The following CCSER1 variants were observed in gnomAD, a reference collection of about 807,000 sequenced individuals.
CCSER1 encodes coiled-coil serine rich protein 1, also known as serine-rich coiled-coil domain-containing protein 1.
Under a neutral mutation model 82.0 loss-of-function variants are expected in CCSER1, and 41 were observed. The observed-to-expected ratio is 0.50, with a 90% CI of 0.39 to 0.65. The LOEUF is 0.65. Ranked by LOEUF, CCSER1 falls within the 30% of genes least tolerant of loss-of-function variation. CCSER1 has a pLI of 0.00. For synonymous variants in CCSER1, 414 were observed against 383.9 expected, an observed-to-expected ratio of 1.08 and a Z score of -0.92; for missense variants, 1,119 against 1,064.2, an observed-to-expected ratio of 1.05 and a Z score of -0.72.
rs1752810092 is a variant in CCSER1, at chr4:90,401,128, C to G, written c.1603+999C>G. On this transcript the variant is annotated intron_variant, in intron 4 of 10. Coordinates refer to ENST00000509176, the MANE Select transcript of CCSER1 (RefSeq NM_001145065.2). ...CAATAACAATGTTGATATTTTCTTA[C>G]ACTCTATTTTAGGCTAATACCAAAC... Among the ~76,000 whole-genome samples the G allele has an allele frequency of 2.0e-5, 3 of 152,150 alleles. No homozygotes were observed. In the South Asian group the frequency reaches 6.2e-4, roughly 31 times the overall value.
chr4:90,203,952 GC>G (rs1237981804), intron 1 of CCSER1, among the ~76,000 whole-genome samples: 1 of 152,132 alleles, frequency 6.6e-6, no homozygotes, highest in African/African-American at 2.4e-5. Context: ...GGGATTATGA[GC>G]TTTTTTTCCT....
chr4:91,524,546 C>T (rs1760673521), intron 10 of CCSER1, among the ~76,000 whole-genome samples: 1 of 152,086 alleles, frequency 6.6e-6, no homozygotes, highest in South Asian at 2.1e-4. Context: ...TGGTGGTTAT[C>T]TCAATTTGAT....
chr4:91,496,212 C>T (rs2110080082), intron 10 of CCSER1, among the ~76,000 whole-genome samples: 1 of 151,364 alleles, frequency 6.6e-6, no homozygotes, highest in East Asian at 1.9e-4. Flanking sequence ...AAACAAAATA[C>T]AGTAAAAACA....
intron 10 of CCSER1, among the ~76,000 whole-genome samples, chr4:91,324,347 T>C (rs916108317): frequency 6.6e-6 from 1 of 152,214 alleles, no homozygotes; most frequent in African/African-American, 2.4e-5. Flanking sequence ...AATGACTTAA[T>C]TGCTAACTGT....
intron 10 of CCSER1, among the ~76,000 whole-genome samples, chr4:91,422,507 AT>A (rs566828658): frequency 6.6e-6 from 1 of 152,130 alleles, no homozygotes; most frequent in East Asian, 1.9e-4. Context: ...GTATGCATAT[AT>A]TTTGTTTTCC....
At chr4:90,490,347 T>C (rs1487742405) in intron 5 of CCSER1, among the ~76,000 whole-genome samples, 4 of 152,244 alleles carry the variant, frequency 2.6e-5, no homozygotes, top group Non-Finnish European at 5.9e-5. Context: ...TTCATATCCT[T>C]CACCCACTTT....
intron 6 of CCSER1, among the ~76,000 whole-genome samples, chr4:90,683,804 T>C (rs140336003): frequency 1.7e-3 from 258 of 152,208 alleles, no homozygotes; most frequent in African/African-American, 4.7e-3. Context: ...AAAAAGATAA[T>C]GTCTCAAGTA....
At chr4:90,930,910 T>TTATATATATATATATATA (rs70963098) in intron 9 of CCSER1, among the ~76,000 whole-genome samples, 15 of 109,640 alleles carry the variant, frequency 1.4e-4, no homozygotes, top group Non-Finnish European at 2.6e-4. Context: ...TATCCTTATT[T>TTATATATATATATATATA]TATATATATA....
intron 5 of CCSER1, among the ~76,000 whole-genome samples, chr4:90,575,339 G>A (rs1027505601): frequency 2.0e-5 from 3 of 152,136 alleles, no homozygotes; most frequent in Non-Finnish European, 2.9e-5. Context: ...GTGTGAGGGC[G>A]AGAGTAAGAG....
chr4:90,616,558 G>C (rs77705193), intron 5 of CCSER1, among the ~76,000 whole-genome samples: 6,137 of 151,660 alleles, frequency 0.04, 398 homozygotes, highest in African/African-American at 0.14. Context: ...GGTAGCACAC[G>C]CCTCTAATCC....
chr4:90,780,557 T>G, intron 7 of CCSER1: 1 of 1,564,512 alleles, frequency 6.4e-7, no homozygotes, highest in African/African-American at 1.4e-5. Flanking sequence ...AAGGAAAGAA[T>G]AAAGACTCTT....
chr4:90,642,319 A>C (rs1286088127), intron 6 of CCSER1: 8 of 153,648 alleles, frequency 5.2e-5, no homozygotes, highest in Admixed American at 5.1e-4. Flanking sequence ...AGATAACATA[A>C]TGCAATTTCT....
chr4:91,042,468 T>C (rs1393047660), intron 9 of CCSER1, among the ~76,000 whole-genome samples: 2 of 152,202 alleles, frequency 1.3e-5, no homozygotes, highest in African/African-American at 2.4e-5. Context: ...TAGTTTGCTT[T>C]TACAAAGTAT....
At chr4:90,478,130 A>G (rs375890081) in intron 5 of CCSER1, among the ~76,000 whole-genome samples, 27 of 152,282 alleles carry the variant, frequency 1.8e-4, no homozygotes, top group African/African-American at 6.5e-4. Context: ...CCTGTTGTAA[A>G]ATGTGAAGTA....
At chr4:90,956,766 CT>C (rs34175078) in intron 9 of CCSER1, among the ~76,000 whole-genome samples, 49,936 of 137,286 alleles carry the variant, frequency 0.36, 8,037 homozygotes, top group East Asian at 0.58. Context: ...TCTTCCTCTT[CT>C]TTTTTTTTTT....
At chr4:91,421,670 T>C (rs908697618) in intron 10 of CCSER1, among the ~76,000 whole-genome samples, 2 of 151,992 alleles carry the variant, frequency 1.3e-5, no homozygotes, top group African/African-American at 4.8e-5. Flanking sequence ...CGATGACAGG[T>C]AGTGATGAGC....
At chr4:91,473,664 G>T (rs1268638209) in intron 10 of CCSER1, among the ~76,000 whole-genome samples, 3 of 152,080 alleles carry the variant, frequency 2.0e-5, no homozygotes, top group South Asian at 2.1e-4. Context: ...GGTTTGTTGT[G>T]AGGAAAAATT....
At chr4:90,924,136 A>G (rs2150254013) in intron 9 of CCSER1, among the ~76,000 whole-genome samples, 1 of 152,326 alleles carries the variant, frequency 6.6e-6, no homozygotes, top group South Asian at 2.1e-4. Context: ...GAAAAAATAA[A>G]GGAATTAATT....
chr4:91,448,727 GATTA>G (rs904625800), intron 10 of CCSER1, among the ~76,000 whole-genome samples: 8 of 152,174 alleles, frequency 5.3e-5, no homozygotes, highest in Admixed American at 2.6e-4. Context: ...TATGTGCCAA[GATTA>G]ATTAATCTTG....
Sources: gnomAD v4.1 joint callset for allele counts (sites outside exome capture counted in the v4.1 genomes callset) on GRCh38, gnomAD v4.1.1 for gene constraint, MANE v1.5 for transcripts, NCBI Gene and HGNC (gene_info 2026-07-23, HGNC 2026-07-21) for gene names.